Variants in PARK7 observed in about 807,000 individuals in gnomAD.
The protein encoded by PARK7 is Parkinsonism associated deglycase, also known as Parkinson disease protein 7.
A neutral mutation model predicts 20.5 loss-of-function variants in PARK7; 14 were observed. The ratio of observed to expected loss-of-function variants is 0.68; its 90% CI spans 0.45 to 1.07. PARK7 has a LOEUF of 1.07. Ranked by LOEUF, PARK7 falls within the 50% of genes least tolerant of loss-of-function variation. The probability of loss-of-function intolerance (pLI) is 0.00; values close to 1 mark genes in which losing one functional copy is unlikely to be tolerated. For synonymous variants in PARK7, 98 were observed against 84.3 expected (o/e 1.16, Z -0.89); for missense variants, 234 against 238.1 (o/e 0.98, Z 0.11).
intron 6 of PARK7, among the ~76,000 whole-genome samples, chr1:7,982,178 GGTTTCACCAT>G (rs1640726647): frequency 6.7e-6 from 1 of 150,174 alleles, no homozygotes; most frequent in Admixed American, 6.6e-5. Flanking sequence ...GTAGAGGCGG[GGTTTCACCAT>G]GTTGGTCAGG....
At chr1:7,962,310 C>T (rs951476381) in intron 1 of PARK7, among the ~76,000 whole-genome samples, 6 of 152,068 alleles carry the variant, frequency 3.9e-5, no homozygotes, top group African/African-American at 7.2e-5. Context: ...ACAAAAATCC[C>T]CTCCAAAAAA....
At chr1:7,969,467 C>G (rs1640408378) in intron 4 of PARK7, 63 bp downstream of exon 4, 1 of 1,114,426 alleles carries the variant, frequency 9.0e-7, no homozygotes, top group African/African-American at 1.5e-5. Flanking sequence ...TAAAGAATTT[C>G]AGCATCTGCT....
At position 7,985,234 on chromosome 1, in the gene PARK7, T is replaced by C. The variant is rs1640796163; in HGVS notation, c.*180T>C. On this transcript the variant is annotated 3_prime_UTR_variant, in exon 7 of 7. Transcript: ENST00000338639. ...TTTCTCAGCCTACAAATTGTGTCTA[T>C]ACATTTCTAAGCCTTGTTTGCAGAA... The C allele has an allele frequency of 3.7e-6, 3 of 810,360 alleles. No homozygotes were observed. Among genetic ancestry groups the C allele is most frequent in the Non-Finnish European group, 5.9e-6 (3 of 505,362 alleles). 50.2% of individuals were successfully genotyped at this position (810,360 alleles called of 1,614,324 possible).
At chr1:7,964,165 A>G (rs1158071600) in intron 2 of PARK7, among the ~76,000 whole-genome samples, 7 of 152,104 alleles carry the variant, frequency 4.6e-5, no homozygotes, top group African/African-American at 1.4e-4. Flanking sequence ...TTGCGTGTTT[A>G]TATATTATCT....
intron 5 of PARK7, among the ~76,000 whole-genome samples, chr1:7,975,740 G>A (rs1017151568): frequency 9.9e-5 from 15 of 152,186 alleles, no homozygotes; most frequent in South Asian, 4.2e-4. Context: ...AAAAATTCTC[G>A]TTCACCGATC....
intron 6 of PARK7, among the ~76,000 whole-genome samples, chr1:7,978,412 A>C (rs1223468074): frequency 8.1e-6 from 1 of 123,492 alleles, no homozygotes; most frequent in Non-Finnish European, 1.7e-5. Flanking sequence ...TTTTTTTGAG[A>C]TGGAGTCTCT....
chr1:7,970,836 A>G, intron 4 of PARK7, 58 bp from the exon 5 acceptor site: 1 of 1,536,356 alleles, frequency 6.5e-7, no homozygotes, highest in Non-Finnish European at 9.0e-7. Context: ...TTTCCTAGTG[A>G]GTGATTGGTT....
chr1:7,969,449 GGA>G (rs1578095327), intron 4 of PARK7, 45 bp downstream of exon 4: 9 of 780,308 alleles, frequency 1.2e-5, no homozygotes, highest in Non-Finnish European at 1.6e-5. Context: ...CTGGGGGGGG[GGA>G]AAAACTAAAG....
At chr1:7,978,461 C>A (rs1427460182) in intron 6 of PARK7, among the ~76,000 whole-genome samples, 1 of 149,510 alleles carries the variant, frequency 6.7e-6, no homozygotes, top group Non-Finnish European at 1.5e-5. Flanking sequence ...GGTGTGATCT[C>A]AGCTCACTGC....
chr1:7,967,847 G>A lies in PARK7; in HGVS notation c.193-1498G>A, dbSNP rs183326721. On this transcript the variant is annotated intron_variant, in intron 3 of 6. Transcript: ENST00000338639. ...AAGTGGGAGAGTTGCTTGAGCCCAG[G>A]AGTTCAAGGCTGTAGTGAGCCACGA... Among the ~76,000 whole-genome samples the A allele has an allele frequency of 2.6e-5, 4 of 152,298 alleles. No homozygotes were observed. In the East Asian group the frequency reaches 7.7e-4, roughly 29 times the overall value.
chr1:7,969,104 C>T (rs1053696448), intron 3 of PARK7: 1 of 475,788 alleles, frequency 2.1e-6, no homozygotes, highest in Non-Finnish European at 3.8e-6. Context: ...TATACTACCC[C>T]TGCTACTCTG....
intron 3 of PARK7, among the ~76,000 whole-genome samples, chr1:7,965,784 C>G (rs1204787675): frequency 3.3e-5 from 5 of 152,106 alleles, no homozygotes; most frequent in Non-Finnish European, 5.9e-5. Flanking sequence ...TGACATAAAT[C>G]AACTGCCACA....
intron 4 of PARK7, among the ~76,000 whole-genome samples, chr1:7,970,134 G>A (rs1640433276): frequency 6.6e-6 from 1 of 152,124 alleles, no homozygotes. Context: ...ATTTGAGGCT[G>A]CAGTGAGCTG....
At position 7,970,980 on chromosome 1, in the gene PARK7, G is replaced by A. The variant is rs1640453744; in HGVS notation, c.322+17G>A. The A allele has an allele frequency of 6.2e-7, 1 of 1,614,092 alleles. No individual in the cohort carries two copies. The highest frequency in any genetic ancestry group is 8.5e-7 in the Non-Finnish European group (1 of 1,179,954). On this transcript the variant is annotated intron_variant, in intron 5 of 6. Transcript: ENST00000338639. ...TCTGTGCAGGTGACGTGCAGGGGCA[G>A]CCTGTGTTGCAGCGTCATTGGTGGG... is the stretch of plus-strand genomic sequence containing the variant.
intron 5 of PARK7, among the ~76,000 whole-genome samples, chr1:7,975,805 G>T (rs1314706090): frequency 1.3e-5 from 2 of 152,190 alleles, no homozygotes; most frequent in African/African-American, 2.4e-5. Flanking sequence ...GCAAGATGAT[G>T]TAGGAATTTC....
chr1:7,974,594 T>A (rs1167203355), intron 5 of PARK7, among the ~76,000 whole-genome samples: 16 of 148,962 alleles, frequency 1.1e-4, no homozygotes, highest in Admixed American at 6.7e-4. Context: ...GCGCCACTGC[T>A]CTCCAGCCTG....
intron 1 of PARK7, 70 bp from the exon 2 acceptor site, chr1:7,962,693 T>C (rs17031860): frequency 3.9e-6 from 4 of 1,015,462 alleles, no homozygotes; most frequent in Non-Finnish European, 5.8e-6. Flanking sequence ...GCTCCTAAAC[T>C]TTAAATTTTG....
chr1:7,974,868 T>TG (rs1640545225), intron 5 of PARK7, among the ~76,000 whole-genome samples: 2 of 149,842 alleles, frequency 1.3e-5, no homozygotes, highest in African/African-American at 4.9e-5. Flanking sequence ...TTTTTTTTTT[T>TG]GTTGAAATGG....
chr1:7,971,248 C>T, intron 5 of PARK7: 1 of 460,976 alleles, frequency 2.2e-6, no homozygotes, highest in Middle Eastern at 6.6e-4. Flanking sequence ...CAGTAAACAG[C>T]TTGTTACAGC....
Sources: allele counts gnomAD v4.1 joint callset (sites outside exome capture counted in the v4.1 genomes callset), GRCh38; gene constraint gnomAD v4.1.1; transcripts MANE v1.5; gene names NCBI Gene and HGNC (gene_info 2026-07-23, HGNC 2026-07-21).